EPG5: variants seen among roughly 807,000 people sequenced by gnomAD.
The protein encoded by EPG5 is ectopic P granules protein 5 homolog.
EPG5 carries 159 observed loss-of-function variants against 302.7 expected under a neutral mutation model. The ratio of observed to expected loss-of-function variants is 0.53; its 90% CI spans 0.46 to 0.60. EPG5 has a LOEUF of 0.60. Among genes scored for constraint, EPG5 ranks in the 20% least tolerant of loss-of-function variants. The pLI is 0.00. For synonymous variants in EPG5, 1,158 were observed against 1,136.8 expected (o/e 1.02, Z -0.37); for missense variants, 2,896 against 3,092.4 (o/e 0.94, Z 1.51).
the EPG5 span, among the ~76,000 whole-genome samples, chr18:45,802,331 GC>G: frequency 1.3e-5 from 2 of 152,100 alleles, no homozygotes; most frequent in Non-Finnish European, 2.9e-5. Flanking sequence ...GACCAGCCTG[GC>G]CAACATGGCA....
rs1221979675 is a variant in EPG5 at position 45,954,659 on chromosome 18, G to C, written c.743C>G (p.Ser248Cys). ...AGTAAATGGTACTAGTTCCAGTTGA[G>C]ACGGGAGTTCTGGGTAGAGTCGCTC... Reference protein sequence around the residue: ...RSERLYPELPSQLELVPFTKE... With the variant: ...RSERLYPELPCQLELVPFTKE... Residue 248 changes from serine to cysteine, a missense_variant, in exon 2 of 44, where the codon TCT becomes TGT. Physicochemically the swap from Ser to Cys is moderately radical, Grantham distance 112. Around this residue, in one of 5 missense-constraint regions of EPG5, gnomAD observed 1,390 missense variants for 1,430.0 expected, o/e 0.97. Transcript: ENST00000282041. 5 of 1,614,248 alleles carry C rather than the reference G, an allele frequency of 3.1e-6. No individual in the cohort carries two copies. The highest frequency in any genetic ancestry group is 4.2e-6 in the Non-Finnish European group (5 of 1,180,054).
Position 45,916,492 on chromosome 18 carries a change from G to A in EPG5, c.3330C>T (p.His1110=), listed in dbSNP as rs373497800. The A allele has an allele frequency of 2.5e-6, 4 of 1,613,756 alleles. No homozygotes were observed. Among genetic ancestry groups the A allele is most frequent in the African/African-American group, 1.3e-5 (1 of 75,016 alleles). Residue 1110 remains histidine (H), a synonymous_variant, in exon 18 of 44, where the codon CAC becomes CAT. Coordinates refer to ENST00000282041, the MANE Select transcript of EPG5 (RefSeq NM_020964.3). The stretch of plus-strand genomic sequence containing the variant: ...TGTCCCCATGGCTGGCTCCTGTCAG[G>A]TGCTGTGCCACCTTGTGGGTGACCT... ...TQQVTHKVAQ[H]LTGASHGDNV...
At position 45,852,238 on chromosome 18, in the gene EPG5, T is replaced by C. The variant is rs1264981768; in HGVS notation, c.*229A>G. 4 of 389,874 alleles carry C rather than the reference T, an allele frequency of 1.0e-5. No individual in the cohort carries two copies. In the Admixed American group the frequency reaches 1.3e-4, roughly 13 times the overall value. 24.2% of individuals were successfully genotyped at this position (389,874 alleles called of 1,614,324 possible). On this transcript the variant is annotated 3_prime_UTR_variant, in exon 44 of 44. Transcript: ENST00000282041. ...AGTAAGTTTCTCTTGTGGATAAATA[T>C]AAAAACTTAAAGAGTCCCCAGAAGG...
At chr18:45,830,572 T>TA in the EPG5 span, among the ~76,000 whole-genome samples, 1 of 140,702 alleles carries the variant, frequency 7.1e-6, no homozygotes, top group South Asian at 2.3e-4. Context: ...TTTAGCTAGA[T>TA]ATTTTTCTTT....
At chr18:45,897,121 G>T (rs1293226932) in intron 27 of EPG5, among the ~76,000 whole-genome samples, 1 of 152,210 alleles carries the variant, frequency 6.6e-6, no homozygotes, top group Non-Finnish European at 1.5e-5. Flanking sequence ...GTCACAGGTA[G>T]GCTTAGAGCT....
At chr18:45,907,641 CT>C (rs1170155583) in intron 24 of EPG5, among the ~76,000 whole-genome samples, 3 of 151,976 alleles carry the variant, frequency 2.0e-5, no homozygotes, top group African/African-American at 7.3e-5. Flanking sequence ...GAGATAATTG[CT>C]TAAAGGTATT....
intron 29 of EPG5, among the ~76,000 whole-genome samples, chr18:45,885,093 C>G (rs2049188907): frequency 6.6e-6 from 1 of 152,200 alleles, no homozygotes; most frequent in Admixed American, 6.5e-5. Flanking sequence ...AATCCCAACA[C>G]TTTGGGAGGC....
rs756772032 is a variant in EPG5, at chr18:45,857,961, C to G, written c.7334G>C (p.Arg2445Pro). 6.2e-7 allele frequency: 1 copy of G among 1,613,354 alleles called. No homozygotes were observed. The highest frequency in any genetic ancestry group is 1.3e-5 in the African/African-American group (1 of 74,886). ...CCTGCTCTGAACCAAGAGCAGAATT[C>G]GAATGACAGATTCTGTCAGGACGGA... ...NDSVLTESVIRILLLVQSRQN... is the reference protein window; with the variant it reads ...NDSVLTESVIPILLLVQSRQN... Residue 2445 changes from arginine (R) to proline (P), a missense_variant, in exon 42 of 44, where the codon CGA becomes CCA. This residue lies in a region of EPG5 where 620 missense variants were observed against 704.2 expected (regional missense o/e 0.88). Coordinates refer to ENST00000282041, the MANE Select transcript of EPG5 (RefSeq NM_020964.3).
the EPG5 span, among the ~76,000 whole-genome samples, chr18:45,839,340 G>A: frequency 6.6e-6 from 1 of 152,202 alleles, no homozygotes; most frequent in Non-Finnish European, 1.5e-5. Context: ...TAGCAGCACA[G>A]AGATATAGAG....
At chr18:45,877,436 A>C (rs895144023) in intron 34 of EPG5, among the ~76,000 whole-genome samples, 2 of 151,828 alleles carry the variant, frequency 1.3e-5, no homozygotes, top group African/African-American at 2.4e-5. Flanking sequence ...ATTTTTTTTT[A>C]TTTTCTGAAT....
rs758172811 is a variant in EPG5 at position 45,917,760 on chromosome 18, T to C, written c.3158A>G (p.His1053Arg). 3.1e-6 allele frequency: 5 copies of C among 1,613,988 alleles called. No individual in the cohort carries two copies. In the African/African-American group the frequency reaches 5.3e-5, roughly 17 times the overall value. ...PLLGILVQSR[H>R]LRTVVHVLDK... ...CAGGACATGAACCACTGTTCTCAAA[T>C]GTCTTGACTGGACCAGAATTCCCAA... The change falls in exon 17 of 44, where the codon CAT (histidine) becomes CGT (arginine). Residue 1053 changes from histidine (H) to arginine (R), a missense_variant. His to Arg is a conservative substitution (Grantham distance 29, BLOSUM62 0). This residue lies in a region of EPG5 where 1,390 missense variants were observed against 1,430.0 expected (regional missense o/e 0.97). Coordinates refer to ENST00000282041, the MANE Select transcript of EPG5 (RefSeq NM_020964.3).
intron 3 of EPG5, among the ~76,000 whole-genome samples, chr18:45,951,605 C>T (rs1317931141): frequency 6.6e-6 from 1 of 151,972 alleles, no homozygotes; most frequent in East Asian, 1.9e-4. Flanking sequence ...ATTACTGGTG[C>T]CTGCCACTAC....
the EPG5 span, among the ~76,000 whole-genome samples, chr18:45,832,657 T>C: frequency 1.3e-5 from 2 of 152,170 alleles, no homozygotes; most frequent in Non-Finnish European, 2.9e-5. Flanking sequence ...TGATGACCCC[T>C]GAAGGTTGAC....
intron 10 of EPG5, among the ~76,000 whole-genome samples, chr18:45,936,590 C>T (rs547379261): frequency 2.0e-5 from 3 of 151,562 alleles, no homozygotes; most frequent in East Asian, 1.9e-4. Context: ...TAGCCGGGCA[C>T]GGTGGTGTGC....
At chr18:45,912,963 C>T (rs2049942112) in intron 21 of EPG5, among the ~76,000 whole-genome samples, 2 of 152,032 alleles carry the variant, frequency 1.3e-5, no homozygotes, top group East Asian at 3.9e-4. Flanking sequence ...TGGTGCACTC[C>T]TGTAATCCCA....
chr18:45,921,435 A>G (rs2050152482), intron 16 of EPG5, among the ~76,000 whole-genome samples: 1 of 152,280 alleles, frequency 6.6e-6, no homozygotes, highest in Non-Finnish European at 1.5e-5. Context: ...TGTTTAATCA[A>G]CTGAGAAGTC....
chr18:45,879,339 A>C, intron 32 of EPG5, 125 bp from the exon 33 acceptor site: 5 of 645,448 alleles, frequency 7.7e-6, no homozygotes, highest in Non-Finnish European at 1.3e-5. Context: ...AAAAATATAA[A>C]GCATATGAGA....
At position 45,912,405 on chromosome 18, in the gene EPG5, G is replaced by A; in HGVS notation, c.3868C>T (p.Leu1290=). 6.2e-7 allele frequency: 1 copy of A among 1,610,766 alleles called. No homozygotes were observed. The change falls in exon 22 of 44, where the codon CTG becomes TTG. Residue 1290 remains leucine (L), a synonymous_variant. Coordinates refer to ENST00000282041, the MANE Select transcript of EPG5 (RefSeq NM_020964.3). ...GCCTGGTGGGCCCAGCGATAAATCA[G>A]CAGCCTCTGGAGGGATGGCACGATG... ...LPIVPSLQRL[L]IYRWAHQALV...
At chr18:45,890,007 A>G in intron 27 of EPG5, 67 bp from the exon 28 acceptor site, 1 of 1,356,306 alleles carries the variant, frequency 7.4e-7, no homozygotes, top group Non-Finnish European at 9.9e-7. Flanking sequence ...GAAGACTCAA[A>G]CTGAAATAAA....
Sources: gnomAD v4.1 joint callset for allele counts (sites outside exome capture counted in the v4.1 genomes callset) on GRCh38, gnomAD v4.1.1 for gene constraint, gnomAD v4.1.1 regional missense constraint, MANE v1.5 for transcripts, NCBI Gene and HGNC (gene_info 2026-07-23, HGNC 2026-07-21) for gene names.